The following ACSM3 variants were observed in gnomAD, a reference collection of about 807,000 sequenced individuals.
ACSM3 encodes the protein acyl-CoA synthetase medium chain family member 3, also known as acyl-coenzyme A synthetase ACSM3, mitochondrial.
A neutral mutation model predicts 74.1 loss-of-function variants in ACSM3; 61 were observed. That is an observed-to-expected ratio of 0.82 (90% CI 0.67 to 1.02). The LOEUF (loss-of-function observed/expected upper bound fraction) is 1.02. Ranked by LOEUF, ACSM3 falls within the 50% of genes least tolerant of loss-of-function variation. ACSM3 has a pLI of 0.00. For synonymous variants in ACSM3, 213 were observed against 241.5 expected (o/e 0.88, Z 1.09); for missense variants, 660 against 697.0 (o/e 0.95, Z 0.60).
chr16:20,694,763 C>T (rs1388549353), intron 1 of ACSM3, among the ~76,000 whole-genome samples: 1 of 152,122 alleles, frequency 6.6e-6, no homozygotes, highest in Non-Finnish European at 1.5e-5. Context: ...TTTCAGAACA[C>T]CACTGTATTT....
chr16:20,686,329 T>C (rs925238623), intron 1 of ACSM3, among the ~76,000 whole-genome samples: 2 of 151,960 alleles, frequency 1.3e-5, no homozygotes, highest in African/African-American at 2.4e-5. Flanking sequence ...AAACAACAGA[T>C]GGACTGAAAT....
intron 2 of ACSM3, among the ~76,000 whole-genome samples, chr16:20,750,478 C>G (rs2079981301): frequency 6.6e-6 from 1 of 152,160 alleles, no homozygotes; most frequent in Non-Finnish European, 1.5e-5. Flanking sequence ...ACCCCCCTCT[C>G]TCTCGTTTCT....
At chr16:20,742,811 ATATT>A (rs1305040429) in intron 1 of ACSM3, among the ~76,000 whole-genome samples, 77 of 32,998 alleles carry the variant, frequency 2.3e-3, no homozygotes, top group African/African-American at 3.8e-3. Context: ...ATATATATAT[ATATT>A]TTTTTTTTTT....
chr16:20,766,868 T>A (rs2080131617), intron 1 of ACSM3, among the ~76,000 whole-genome samples: 1 of 152,202 alleles, frequency 6.6e-6, no homozygotes, highest in Non-Finnish European at 1.5e-5. Context: ...ATAGTGTGTA[T>A]TCTGTGCTAC....
chr16:20,738,676 C>T (rs765380521), intron 1 of ACSM3: 6 of 545,952 alleles, frequency 1.1e-5, no homozygotes, highest in African/African-American at 1.9e-5. Context: ...AAGTTATATA[C>T]GAAGGAAGCA....
intron 1 of ACSM3, among the ~76,000 whole-genome samples, chr16:20,720,176 C>T (rs762542452): frequency 3.9e-5 from 6 of 152,072 alleles, no homozygotes; most frequent in East Asian, 1.9e-4. Flanking sequence ...GGGAGGGATT[C>T]GAGCTCATTA....
At chr16:20,779,084 A>AT (rs2080297084) in intron 4 of ACSM3, among the ~76,000 whole-genome samples, 2 of 152,142 alleles carry the variant, frequency 1.3e-5, no homozygotes, top group African/African-American at 4.8e-5. Flanking sequence ...TAAGATAATT[A>AT]TGAAATCATA....
chr16:20,757,294 A>G (rs1305600088), intron 3 of ACSM3, among the ~76,000 whole-genome samples: 1 of 150,488 alleles, frequency 6.6e-6, no homozygotes, highest in Non-Finnish European at 1.5e-5. Context: ...ATTTGTTTGT[A>G]TCCTCTTTTA....
At chr16:20,778,481 A>T (rs1237950509) in intron 4 of ACSM3, among the ~76,000 whole-genome samples, 2 of 152,188 alleles carry the variant, frequency 1.3e-5, no homozygotes, top group Non-Finnish European at 1.5e-5. Context: ...GCTTATATTG[A>T]TACGGTTATG....
At chr16:20,718,024 A>G (rs577868031) in intron 1 of ACSM3, among the ~76,000 whole-genome samples, 5 of 149,192 alleles carry the variant, frequency 3.4e-5, no homozygotes, top group South Asian at 4.2e-4. Flanking sequence ...GAAGAAGAAG[A>G]AGAAAAGAAA....
In ACSM3 at chr16:20,784,930, T is replaced by C; in HGVS notation, c.1020-54T>C. 1.3e-5 allele frequency: 21 copies of C among 1,565,962 alleles called. 1 individual carries two copies. In the South Asian group the frequency reaches 2.4e-4, roughly 18 times the overall value. On this transcript the variant is annotated intron_variant, in intron 7 of 13. Coordinates refer to ENST00000289416, the MANE Select transcript of ACSM3 (RefSeq NM_005622.4). ...AGTTCATAAGAAATAATCCTTAATCTTCACTTCTCTCCATTTTTCCTCCTA... is the reference window on the plus strand; with the variant it reads ...AGTTCATAAGAAATAATCCTTAATCCTCACTTCTCTCCATTTTTCCTCCTA...
chr16:20,720,085 T>C (rs1305148558), intron 1 of ACSM3, among the ~76,000 whole-genome samples: 1 of 152,142 alleles, frequency 6.6e-6, no homozygotes, highest in Non-Finnish European at 1.5e-5. Flanking sequence ...GACACGGTGG[T>C]TTAAGGCAGA....
intron 1 of ACSM3, among the ~76,000 whole-genome samples, chr16:20,687,425 G>T (rs2152327315): frequency 6.6e-6 from 1 of 152,274 alleles, no homozygotes; most frequent in African/African-American, 2.4e-5. Flanking sequence ...ATAAATGCTA[G>T]AAAAGGCCTG....
Position 20,716,459 on chromosome 16 carries a change from T to C in ACSM3, c.-189-33451T>C, listed in dbSNP as rs115960008. On this transcript the variant is annotated intron_variant, in intron 1 of 3. Coordinates refer to the ACSM3 transcript ENST00000561584. ...GGCATAAAACTCCTCGTGGCTTGGA[T>C]GGAACCCAGGGTTCAGGGCATAAAA... is the stretch of plus-strand genomic sequence containing the variant. 8.0e-3 allele frequency among the ~76,000 whole-genome samples: 1,216 copies of C among 152,234 alleles called. 17 individuals carry two copies. Among genetic ancestry groups the C allele is most frequent in the African/African-American group, 0.028 (1,146 of 41,516 alleles).
At chr16:20,682,287 C>A in intron 1 of ACSM3, 1 of 1,613,616 alleles carries the variant, frequency 6.2e-7, no homozygotes, top group Non-Finnish European at 8.5e-7. Flanking sequence ...AGCCACCCTT[C>A]ACGGCTGTGA....
chr16:20,796,232 C>T, intron 12 of ACSM3, 138 bp from the exon 13 acceptor site: 1 of 1,400,658 alleles, frequency 7.1e-7, no homozygotes, highest in Non-Finnish European at 9.4e-7. Flanking sequence ...CTTAAGAGCA[C>T]AGAGCTGGGA....
chr16:20,736,325 C>G (rs888421304), intron 1 of ACSM3: 3 of 149,238 alleles, frequency 2.0e-5, no homozygotes, highest in Non-Finnish European at 4.4e-5. Flanking sequence ...TCTCTCACAT[C>G]TTGCCTTCCA....
intron 1 of ACSM3, chr16:20,721,737 A>G (rs888850408): frequency 2.7e-4 from 41 of 152,210 alleles, no homozygotes; most frequent in African/African-American, 9.9e-4. Flanking sequence ...CATAGCTAGA[A>G]TAAAGTCAGT....
intron 1 of ACSM3, among the ~76,000 whole-genome samples, chr16:20,710,419 G>T (rs1026761960): frequency 6.6e-6 from 1 of 152,098 alleles, no homozygotes; most frequent in Non-Finnish European, 1.5e-5. Context: ...CACTAATATA[G>T]TATGCATACT....
Sources: allele counts gnomAD v4.1 joint callset (sites outside exome capture counted in the v4.1 genomes callset), GRCh38; gene constraint gnomAD v4.1.1; transcripts MANE v1.5; gene names NCBI Gene and HGNC (gene_info 2026-07-23, HGNC 2026-07-21).